The following SMCHD1 variants were observed in gnomAD, a reference collection of about 807,000 sequenced individuals.
SMCHD1 encodes structural maintenance of chromosomes flexible hinge domain containing 1, also known as structural maintenance of chromosomes flexible hinge domain-containing protein 1.
A neutral mutation model predicts 254.7 loss-of-function variants in SMCHD1; 78 were observed. The observed-to-expected ratio is 0.31, with a 90% CI of 0.26 to 0.37. The LOEUF is 0.37. Ranked by LOEUF, SMCHD1 falls within the 10% of genes least tolerant of loss-of-function variation. The pLI, the probability that SMCHD1 is intolerant of heterozygous loss-of-function variation, is 1.00. For synonymous variants in SMCHD1, 766 were observed against 794.9 expected (o/e 0.96, Z 0.61); for missense variants, 1,840 against 2,408.1 (o/e 0.76, Z 4.94).
At chr18:2,704,511 G>GT (rs1290948790) in intron 13 of SMCHD1, among the ~76,000 whole-genome samples, 4 of 151,810 alleles carry the variant, frequency 2.6e-5, no homozygotes, top group Non-Finnish European at 4.4e-5. Flanking sequence ...TGGGGATAGT[G>GT]TAAGCATAAA....
At chr18:2,750,166 GT>G (rs2143617345) in intron 31 of SMCHD1, 44 bp downstream of exon 31, 1 of 1,534,234 alleles carries the variant, frequency 6.5e-7, no homozygotes, top group South Asian at 1.2e-5. Flanking sequence ...ATAGAGATTC[GT>G]TTTTCTTACT....
intron 22 of SMCHD1, 67 bp from the exon 23 acceptor site, chr18:2,728,390 T>C (rs770027370): frequency 6.9e-7 from 1 of 1,438,890 alleles, no homozygotes; most frequent in Non-Finnish European, 9.5e-7. Flanking sequence ...AAGTTATTTC[T>C]TTTGCTATTT....
chr18:2,789,279 G>A (rs1172083001), intron 45 of SMCHD1, among the ~76,000 whole-genome samples: 3 of 151,760 alleles, frequency 2.0e-5, no homozygotes, highest in African/African-American at 4.8e-5. Context: ...GGTCCCAGGC[G>A]ATCTGCCTGC....
At chr18:2,746,578 T>C (rs62579) in intron 29 of SMCHD1, among the ~76,000 whole-genome samples, 53,873 of 152,030 alleles carry the variant, frequency 0.35, 10,616 homozygotes, top group Non-Finnish European at 0.45. Flanking sequence ...CTCAAGGGTG[T>C]TTGGTTTTTT....
At chr18:2,728,907 TG>T (rs1318628531) in intron 23 of SMCHD1, 1 of 252,352 alleles carries the variant, frequency 4.0e-6, no homozygotes, top group African/African-American at 2.3e-5. Context: ...GGGAATGGGC[TG>T]CTCTGCCTAT....
chr18:2,679,571 A>AGTTTCT (rs2073877652), intron 5 of SMCHD1, among the ~76,000 whole-genome samples: 1 of 147,850 alleles, frequency 6.8e-6, no homozygotes, highest in Non-Finnish European at 1.5e-5. Context: ...CTGGCTTTAT[A>AGTTTCT]GTTTCTGTTG....
At chr18:2,800,174 A>G (rs2076334825) in intron 47 of SMCHD1, among the ~76,000 whole-genome samples, 1 of 151,940 alleles carries the variant, frequency 6.6e-6, no homozygotes, top group Admixed American at 6.6e-5. Context: ...TGAGAAGTCC[A>G]GCAACTCTCC....
At chr18:2,709,232 GTA>G (rs1555635615) in intron 17 of SMCHD1, among the ~76,000 whole-genome samples, 3,430 of 79,660 alleles carry the variant, frequency 0.043, 137 homozygotes, top group African/African-American at 0.11. Flanking sequence ...GTGTATATGT[GTA>G]TATATATATA....
At chr18:2,679,079 C>G (rs1169254411) in intron 5 of SMCHD1, among the ~76,000 whole-genome samples, 1 of 151,064 alleles carries the variant, frequency 6.6e-6, no homozygotes, top group South Asian at 2.1e-4. Flanking sequence ...AACTCTTGAC[C>G]TCGTGATCTG....
chr18:2,679,179 G>C (rs1391171295), intron 5 of SMCHD1, among the ~76,000 whole-genome samples: 1 of 148,876 alleles, frequency 6.7e-6, no homozygotes, highest in Non-Finnish European at 1.5e-5. Context: ...ACTTGTGCTG[G>C]GTAAAGAACT....
chr18:2,701,779 CT>C (rs1284444601), intron 12 of SMCHD1, among the ~76,000 whole-genome samples: 1 of 152,004 alleles, frequency 6.6e-6, no homozygotes, highest in Middle Eastern at 3.2e-3. Flanking sequence ...ACCTCAGAGA[CT>C]TTTGATACTA....
intron 37 of SMCHD1, among the ~76,000 whole-genome samples, chr18:2,768,674 T>A (rs2075918976): frequency 6.6e-6 from 1 of 150,806 alleles, no homozygotes; most frequent in Admixed American, 6.6e-5. Flanking sequence ...TATAGTGTAC[T>A]ATATACTATA....
rs763226355 is a variant in SMCHD1, at chr18:2,708,867, CATATATATATATATATATATATATAT to C, written c.2260+963_2260+988del. ...TCCCTGCTTCTATTTTCAATAACTT[CATATATATATATATATATATATATAT>C]ATATATATATATATAACATATTAAC... On this transcript the variant is annotated intron_variant, in intron 17 of 47. Transcript: ENST00000320876. Among the ~76,000 whole-genome samples, 40 of 8,298 alleles carry C rather than the reference CATATATATATATATATATATATATAT, an allele frequency of 4.8e-3. 3 individuals are homozygous for C. The highest frequency in any genetic ancestry group is 0.013 in the African/African-American group (32 of 2,534). 5.4% of individuals were successfully genotyped at this position (8,298 alleles called of 152,430 possible). A position where few individuals can be genotyped will look rare whatever the true frequency, so the allele number is the denominator to read the frequency against.
intron 23 of SMCHD1, 21 bp downstream of exon 23, chr18:2,728,617 T>G (rs1316975210): frequency 3.7e-6 from 6 of 1,606,874 alleles, no homozygotes; most frequent in African/African-American, 1.3e-5. Context: ...TGGAAGATAT[T>G]TAGATTGAGT....
chr18:2,709,248 A>ATATATATATATATATATATGTG (rs2074611291), intron 17 of SMCHD1, among the ~76,000 whole-genome samples: 1 of 107,262 alleles, frequency 9.3e-6, no homozygotes, highest in Non-Finnish European at 2.2e-5. Context: ...ATATATATAT[A>ATATATATATATATATATATGTG]TACACACACA....
intron 26 of SMCHD1, 69 bp from the exon 27 acceptor site, chr18:2,739,363 C>G: frequency 9.4e-7 from 1 of 1,067,986 alleles, no homozygotes; most frequent in East Asian, 2.4e-5. Context: ...ATGTGTTATT[C>G]TGTAGCATGT....
At chr18:2,704,247 T>TA (rs1416275201) in intron 13 of SMCHD1, among the ~76,000 whole-genome samples, 3 of 152,162 alleles carry the variant, frequency 2.0e-5, no homozygotes, top group Non-Finnish European at 4.4e-5. Flanking sequence ...ATTATAGCAT[T>TA]AAAAAAACTA....
At chr18:2,662,297 AT>A (rs1393496766) in intron 1 of SMCHD1, among the ~76,000 whole-genome samples, 1 of 152,074 alleles carries the variant, frequency 6.6e-6, no homozygotes, top group African/African-American at 2.4e-5. Context: ...TCTTAAAAAA[AT>A]CATTTGCACA....
chr18:2,747,744 A>T (rs2075482701), intron 30 of SMCHD1, 97 bp downstream of exon 30: 9 of 1,005,396 alleles, frequency 9.0e-6, no homozygotes, highest in Middle Eastern at 3.0e-4. Context: ...TCTAAAAAAT[A>T]TATTTTACAT....
Sources: allele counts gnomAD v4.1 joint callset (sites outside exome capture counted in the v4.1 genomes callset), GRCh38; gene constraint gnomAD v4.1.1; transcripts MANE v1.5; gene names NCBI Gene and HGNC (gene_info 2026-07-23, HGNC 2026-07-21).